Variants in ATF6 observed in about 807,000 individuals in gnomAD.
The protein encoded by ATF6 is cyclic AMP-dependent transcription factor ATF-6 alpha.
Under a neutral mutation model 83.6 loss-of-function variants are expected in ATF6, and 53 were observed. The ratio of observed to expected loss-of-function variants is 0.63; its 90% CI spans 0.51 to 0.80. The LOEUF is 0.80. Ranked by LOEUF, ATF6 falls within the 30% of genes least tolerant of loss-of-function variation. The probability of loss-of-function intolerance (pLI) is 0.00; values close to 1 mark genes in which losing one functional copy is unlikely to be tolerated. For missense variants in ATF6, 744 were observed against 797.9 expected (o/e 0.93, Z 0.81); for synonymous variants, 288 against 285.8 (o/e 1.01, Z -0.08).
chr1:161,831,944 TAA>T (rs574016070), intron 9 of ATF6, among the ~76,000 whole-genome samples: 5 of 130,500 alleles, frequency 3.8e-5, no homozygotes, highest in Admixed American at 7.6e-5. Flanking sequence ...TAAAGTATAA[TAA>T]AAAAAAAAAA....
chr1:161,948,412 T>C (rs1397410495), intron 15 of ATF6, among the ~76,000 whole-genome samples: 1 of 152,204 alleles, frequency 6.6e-6, no homozygotes, highest in Non-Finnish European at 1.5e-5. Context: ...AAAGTGAGCT[T>C]CAGTCATTTA....
intron 9 of ATF6, among the ~76,000 whole-genome samples, chr1:161,834,078 C>G (rs918892654): frequency 3.3e-5 from 5 of 152,148 alleles, no homozygotes; most frequent in African/African-American, 1.2e-4. Context: ...CTCTGCAAGC[C>G]AGAAGAGAGT....
chr1:161,932,489 A>G (rs1688453876), intron 15 of ATF6, among the ~76,000 whole-genome samples: 1 of 152,220 alleles, frequency 6.6e-6, no homozygotes, highest in Admixed American at 6.5e-5. Context: ...AAAGCTAAAA[A>G]AATTCTAAAG....
At chr1:161,843,173 C>T (rs1260025559) in intron 9 of ATF6, among the ~76,000 whole-genome samples, 5 of 152,116 alleles carry the variant, frequency 3.3e-5, no homozygotes, top group South Asian at 2.1e-4. Context: ...TGCCAGTTAA[C>T]TTAACATGCA....
At chr1:161,820,977 G>A (rs1346641706) in intron 8 of ATF6, 93 bp from the exon 9 acceptor site, 9 of 666,610 alleles carry the variant, frequency 1.4e-5, no homozygotes, top group African/African-American at 5.8e-5. Flanking sequence ...AGAGATTTAC[G>A]TAACCGGTAA....
At chr1:161,885,394 A>G (rs1687400040) in intron 14 of ATF6, among the ~76,000 whole-genome samples, 1 of 152,136 alleles carries the variant, frequency 6.6e-6, no homozygotes, top group African/African-American at 2.4e-5. Context: ...AACTCCAGTT[A>G]TTTAAGTGAG....
chr1:161,893,825 C>T (rs1246081893), intron 14 of ATF6, among the ~76,000 whole-genome samples: 1 of 152,128 alleles, frequency 6.6e-6, no homozygotes, highest in African/African-American at 2.4e-5. Flanking sequence ...CATATCTGTT[C>T]CTCACATAAT....
At chr1:161,785,835 A>G (rs1455093886) in intron 4 of ATF6, among the ~76,000 whole-genome samples, 1 of 152,204 alleles carries the variant, frequency 6.6e-6, no homozygotes, top group African/African-American at 2.4e-5. Flanking sequence ...CTGTTTTCCC[A>G]TCATCACTCC....
Position 161,863,240 on chromosome 1 carries a change from C to T in ATF6, c.1647C>T (p.Pro549=), listed in dbSNP as rs1279679580. The T allele has an allele frequency of 1.2e-6, 2 of 1,613,066 alleles. No homozygotes were observed. Among genetic ancestry groups the T allele is most frequent in the Non-Finnish European group, 1.7e-6 (2 of 1,179,236 alleles). The change falls in exon 14 of 16, where the codon CCC becomes CCT. Residue 549 remains proline (P), a synonymous_variant. Transcript: ENST00000367942. The part of the protein sequence containing the change: ...GSELQVYYAS[P]RSYQDFFEAI... ...AGCTACAAGTGTATTATGCTTCACC[C>T]AGAAGTTATCAAGACTTTTTTGAAG...
At chr1:161,942,739 A>T (rs1688672314) in intron 15 of ATF6, among the ~76,000 whole-genome samples, 1 of 152,252 alleles carries the variant, frequency 6.6e-6, no homozygotes, top group African/African-American at 2.4e-5. Flanking sequence ...TCAGTTCATG[A>T]TGCTACTACT....
intron 10 of ATF6, among the ~76,000 whole-genome samples, chr1:161,849,861 ACTCAGTTCCT>A (rs1481305698): frequency 6.6e-6 from 1 of 152,152 alleles, no homozygotes; most frequent in Non-Finnish European, 1.5e-5. Context: ...GCACTGTGGA[ACTCAGTTCCT>A]CTCCCTGTTT....
intron 15 of ATF6, among the ~76,000 whole-genome samples, chr1:161,937,725 C>A (rs1688566309): frequency 6.6e-6 from 1 of 150,484 alleles, no homozygotes; most frequent in South Asian, 2.1e-4. Flanking sequence ...GAACATCACA[C>A]ATCGGGGCCT....
chr1:161,812,455 G>C (rs1408431094), intron 7 of ATF6, among the ~76,000 whole-genome samples: 1 of 131,852 alleles, frequency 7.6e-6, no homozygotes, highest in Non-Finnish European at 1.5e-5. Context: ...TGCAGTGGCG[G>C]GATCTCGGCT....
intron 15 of ATF6, among the ~76,000 whole-genome samples, chr1:161,942,640 A>G (rs1688670734): frequency 6.6e-6 from 1 of 152,208 alleles, no homozygotes; most frequent in African/African-American, 2.4e-5. Flanking sequence ...CATCATATTT[A>G]ATCCTTAAGA....
intron 12 of ATF6, among the ~76,000 whole-genome samples, chr1:161,857,244 T>TTA (rs1357197691): frequency 6.6e-6 from 1 of 152,194 alleles, no homozygotes; most frequent in Non-Finnish European, 1.5e-5. Flanking sequence ...TCCCAAACTC[T>TTA]TATAAAATAT....
chr1:161,781,857 T>A (rs746565808), intron 2 of ATF6, 55 bp from the exon 3 acceptor site: 8 of 1,201,292 alleles, frequency 6.7e-6, no homozygotes, highest in Non-Finnish European at 9.6e-6. Context: ...AGTTTGATTT[T>A]AAGATGTGTA....
chr1:161,958,788 G>A lies in ATF6; in HGVS notation c.*134G>A. On this transcript the variant is annotated 3_prime_UTR_variant, in exon 16 of 16. Transcript: ENST00000367942. ...CTAGAATTCAAGGAGGAAAGAAGAA[G>A]AAATAAAAGAAGCTGCTCCATTTTT... 9.9e-6 allele frequency: 7 copies of A among 705,706 alleles called. No homozygotes were observed. Among genetic ancestry groups the A allele is most frequent in the Non-Finnish European group, 1.5e-5 (7 of 451,798 alleles). 43.7% of individuals were successfully genotyped at this position (705,706 alleles called of 1,614,324 possible). A position where few individuals can be genotyped will look rare whatever the true frequency, so the allele number is the denominator to read the frequency against.
At chr1:161,812,553 C>T (rs989943422) in intron 7 of ATF6, among the ~76,000 whole-genome samples, 3 of 151,298 alleles carry the variant, frequency 2.0e-5, no homozygotes, top group Admixed American at 6.6e-5. Context: ...CCACTACGCC[C>T]GGCTAATTTT....
At chr1:161,925,763 G>A (rs1179102625) in intron 15 of ATF6, among the ~76,000 whole-genome samples, 2 of 152,132 alleles carry the variant, frequency 1.3e-5, no homozygotes, top group Non-Finnish European at 2.9e-5. Flanking sequence ...ATCTATATAA[G>A]CCAGGCACTG....
Sources: gnomAD v4.1 joint callset for allele counts (sites outside exome capture counted in the v4.1 genomes callset) on GRCh38, gnomAD v4.1.1 for gene constraint, MANE v1.5 for transcripts, NCBI Gene and HGNC (gene_info 2026-07-23, HGNC 2026-07-21) for gene names.